The following PDE9A variants were observed in gnomAD, a reference collection of about 807,000 sequenced individuals.
PDE9A encodes phosphodiesterase 9A.
PDE9A carries 60 observed loss-of-function variants against 87.4 expected under a neutral mutation model. That is an observed-to-expected ratio of 0.69 (90% CI 0.56 to 0.85). The LOEUF (loss-of-function observed/expected upper bound fraction) is 0.85, where lower values mean the gene tolerates loss of function less well. Among genes scored for constraint, PDE9A ranks in the 40% least tolerant of loss-of-function variants. The probability of loss-of-function intolerance (pLI) is 0.00; values close to 1 mark genes in which losing one functional copy is unlikely to be tolerated. For synonymous variants in PDE9A, 272 were observed against 279.4 expected, an observed-to-expected ratio of 0.97 and a Z score of 0.27; for missense variants, 665 against 779.0, an observed-to-expected ratio of 0.85 and a Z score of 1.74.
intron 1 of PDE9A, among the ~76,000 whole-genome samples, chr21:42,682,779 A>C (rs1161049250): frequency 6.6e-6 from 1 of 152,208 alleles, no homozygotes; most frequent in Non-Finnish European, 1.5e-5. Context: ...TCGGCCCCTC[A>C]AGAGCGGTCA....
chr21:42,660,625 TAAAA>T lies in PDE9A; in HGVS notation c.69+6754_69+6757del, dbSNP rs11292693. ...CCCCTTCCCCAAACACTATTGGAAT[TAAAA>T]AAAAAAAAAAAGATTAAAATGGTTA... On this transcript the variant is annotated intron_variant, in intron 1 of 19. Coordinates refer to ENST00000291539, the MANE Select transcript of PDE9A (RefSeq NM_002606.3). The surrounding 1 kb of genome is among the most constrained non-coding windows in gnomAD (Gnocchi z 4.7). Among the ~76,000 whole-genome samples the T allele has an allele frequency of 7.2e-6, 1 of 138,996 alleles. No individual in the cohort carries two copies. The highest frequency in any genetic ancestry group is 1.6e-5 in the Non-Finnish European group (1 of 63,336). The allele number at this position is 138,996 out of a possible 152,430, so 91.2% of individuals were successfully genotyped here.
intron 8 of PDE9A, among the ~76,000 whole-genome samples, chr21:42,745,228 C>A (rs538158007): frequency 6.6e-6 from 1 of 152,252 alleles, no homozygotes; most frequent in East Asian, 1.9e-4. Context: ...GGCCTGGCCT[C>A]GGGGTGGGCG....
At chr21:42,757,007 G>A (rs574380768) in intron 10 of PDE9A, 2 of 152,488 alleles carry the variant, frequency 1.3e-5, no homozygotes, top group African/African-American at 4.8e-5. Flanking sequence ...TGGAGAGCGA[G>A]GAGTTTCCAG....
intron 10 of PDE9A, 122 bp downstream of exon 10, chr21:42,754,186 G>GAAA (rs11411040): frequency 8.2e-4 from 409 of 497,256 alleles, no homozygotes; most frequent in South Asian, 1.3e-3. Flanking sequence ...TTTAAAGACT[G>GAAA]AAAAAAAAAA....
chr21:42,654,220 G>A (rs2056874578), intron 1 of PDE9A, among the ~76,000 whole-genome samples: 1 of 152,176 alleles, frequency 6.6e-6, no homozygotes, highest in Admixed American at 6.5e-5. Flanking sequence ...GGCAGCCCCG[G>A]GGTCGTGGTC....
Position 42,727,489 on chromosome 21 carries a change from AT to A in PDE9A, c.263-4257del, listed in dbSNP as rs58515760. Among the ~76,000 whole-genome samples, 270 of 88,278 alleles carry A rather than the reference AT, an allele frequency of 3.1e-3. 1 individual carries two copies. Among genetic ancestry groups the A allele is most frequent in the African/African-American group, 8.4e-3 (165 of 19,676 alleles). The allele number at this position is 88,278 out of a possible 152,430, so 57.9% of individuals were successfully genotyped here. On this transcript the variant is annotated intron_variant, in intron 4 of 19. Coordinates refer to ENST00000291539, the MANE Select transcript of PDE9A (RefSeq NM_002606.3). ...CAGGCACATGCCACCACGCCTGGCT[AT>A]TTTTTTTTTTTTTTTTTTTTTTTGT...
chr21:42,655,030 C>T (rs1601835902), intron 1 of PDE9A, among the ~76,000 whole-genome samples: 1 of 152,182 alleles, frequency 6.6e-6, no homozygotes, highest in Non-Finnish European at 1.5e-5. Flanking sequence ...TTGCATGGGA[C>T]TGTAACAGCC....
At position 42,660,837 on chromosome 21, in the gene PDE9A, CTTAT is replaced by C. The variant is rs1054634553; in HGVS notation, c.69+6957_69+6960del. 2.6e-5 allele frequency among the ~76,000 whole-genome samples: 4 copies of C among 151,990 alleles called. No homozygotes were observed. The highest frequency in any genetic ancestry group is 2.1e-4 in the South Asian group (1 of 4,820). Reference sequence around the variant, plus strand: ...GAAATATTTTCACTTGAGGGTGCAACTTATTTGTCTTGAACCCATCCCTGACTGC... The same window carrying C: ...GAAATATTTTCACTTGAGGGTGCAACTTGTCTTGAACCCATCCCTGACTGC... On this transcript the variant is annotated intron_variant, in intron 1 of 19. Transcript: ENST00000291539. This position sits in a 1 kb window ranked among gnomAD's most constrained non-coding sequence, Gnocchi z 4.7.
chr21:42,764,880 G>GA (rs890027038), intron 14 of PDE9A, among the ~76,000 whole-genome samples: 1 of 152,118 alleles, frequency 6.6e-6, no homozygotes, highest in African/African-American at 2.4e-5. Flanking sequence ...AGATTGATGG[G>GA]TTTGGGTTTT....
chr21:42,670,664 CACAT>C (rs551385389), intron 1 of PDE9A, among the ~76,000 whole-genome samples: 77 of 147,396 alleles, frequency 5.2e-4, no homozygotes, highest in African/African-American at 1.4e-3. Flanking sequence ...CACACATACA[CACAT>C]ACACATGCAT....
chr21:42,672,291 C>T (rs1192661943), intron 1 of PDE9A, among the ~76,000 whole-genome samples: 1 of 151,118 alleles, frequency 6.6e-6, no homozygotes, highest in African/African-American at 2.4e-5. Context: ...GGAGCAGGGC[C>T]AGGCCGGGCT....
intron 7 of PDE9A, among the ~76,000 whole-genome samples, chr21:42,737,482 C>T (rs560785319): frequency 1.2e-3 from 179 of 152,242 alleles, no homozygotes; most frequent in African/African-American, 4.0e-3. Context: ...TTGTTTGAGA[C>T]GGAGTTTTGC....
chr21:42,761,798 T>C (rs2269165), intron 13 of PDE9A, among the ~76,000 whole-genome samples: 54,692 of 151,858 alleles, frequency 0.36, 10,004 homozygotes, highest in South Asian at 0.55. Flanking sequence ...GTTTGATAAT[T>C]TCACAAGAGG....
In PDE9A at chr21:42,760,957, CT is replaced by C. The variant is rs1569264652; in HGVS notation, c.1085+51del. 5 of 1,198,022 alleles carry C rather than the reference CT, an allele frequency of 4.2e-6. No individual in the cohort carries two copies. The South Asian group carries it at 4.9e-5, about 12-fold the overall frequency. 74.2% of individuals were successfully genotyped at this position (1,198,022 alleles called of 1,614,324 possible). A position where few individuals can be genotyped will look rare whatever the true frequency, so the allele number is the denominator to read the frequency against. ...TTCCTTTTAAAAGGCACCCTGGCTA[CT>C]GGAGGGAACCTGTCAGCCCAACCCT... On this transcript the variant is annotated intron_variant, in intron 13 of 19. Transcript: ENST00000291539. This position sits in a 1 kb window ranked among gnomAD's most constrained non-coding sequence, Gnocchi z 5.2.
At chr21:42,670,586 CATACACTT>C (rs2058478079) in intron 1 of PDE9A, among the ~76,000 whole-genome samples, 1 of 151,486 alleles carries the variant, frequency 6.6e-6, no homozygotes. Context: ...CACATACACG[CATACACTT>C]ACACATGCAC....
chr21:42,769,292 CAG>C (rs2056694967), intron 17 of PDE9A, 137 bp downstream of exon 17: 4 of 767,048 alleles, frequency 5.2e-6, no homozygotes, highest in East Asian at 2.7e-5. Flanking sequence ...CAGATACACA[CAG>C]ACGCACATAC....
rs2146255032 is a variant in PDE9A, at chr21:42,692,312, G to A, written c.218+4318G>A. On this transcript the variant is annotated intron_variant, in intron 3 of 19. Coordinates refer to ENST00000291539, the MANE Select transcript of PDE9A (RefSeq NM_002606.3). The surrounding 1 kb of genome is among the most constrained non-coding windows in gnomAD (Gnocchi z 4.3). ...ATTTCTGGATGTCACCAGGGGTAAG[G>A]GCCTGCTACTTGTATCTGATGGGTG... is the stretch of plus-strand genomic sequence containing the variant. Among the ~76,000 whole-genome samples, 1 of 152,256 alleles carries A rather than the reference G, an allele frequency of 6.6e-6. No homozygotes were observed. The highest frequency in any genetic ancestry group is 2.4e-5 in the African/African-American group (1 of 41,546).
intron 3 of PDE9A, chr21:42,697,602 G>A: frequency 3.9e-6 from 3 of 772,418 alleles, no homozygotes; most frequent in Non-Finnish European, 4.6e-6. Context: ...TCTGGAGGCT[G>A]AAATCCAAGA....
At chr21:42,654,450 C>A (rs541101330) in intron 1 of PDE9A, among the ~76,000 whole-genome samples, 1 of 152,276 alleles carries the variant, frequency 6.6e-6, no homozygotes, top group East Asian at 1.9e-4. Flanking sequence ...GCGTTCCTAG[C>A]GGACTTGAGT....
Sources: allele counts gnomAD v4.1 joint callset (sites outside exome capture counted in the v4.1 genomes callset), GRCh38; gene constraint gnomAD v4.1.1; non-coding constraint Gnocchi (gnomAD v3.1); transcripts MANE v1.5; gene names NCBI Gene and HGNC (gene_info 2026-07-23, HGNC 2026-07-21).